The following PAH variants were observed in gnomAD, a reference collection of about 807,000 sequenced individuals.
PAH encodes phenylalanine hydroxylase.
Under a neutral mutation model 62.0 loss-of-function variants are expected in PAH, and 64 were observed. The observed-to-expected ratio is 1.03, with a 90% CI of 0.84 to 1.27. PAH has a LOEUF of 1.27. Ranked by LOEUF, PAH falls within the 50% of genes most tolerant of loss-of-function variation. The probability of loss-of-function intolerance (pLI) is 0.00; values close to 1 mark genes in which losing one functional copy is unlikely to be tolerated. For missense variants in PAH, 579 were observed against 542.8 expected, an observed-to-expected ratio of 1.07 and a Z score of -0.66; for synonymous variants, 195 against 196.2, an observed-to-expected ratio of 0.99 and a Z score of 0.05.
In PAH at chr12:102,857,443, C is replaced by A. The variant is rs181550159; in HGVS notation, c.510-2111G>T. The stretch of plus-strand genomic sequence containing the variant: ...AACTTCCCCAACCTAGCAAGGCAGG[C>A]CAACATTCAAATTCAGGAAATACAG... On this transcript the variant is annotated intron_variant, in intron 5 of 12. Coordinates refer to ENST00000553106, the MANE Select transcript of PAH (RefSeq NM_000277.3). Among the ~76,000 whole-genome samples, 17 of 152,250 alleles carry A rather than the reference C, an allele frequency of 1.1e-4. No homozygotes were observed. In the East Asian group the frequency reaches 3.1e-3, roughly 28 times the overall value.
At chr12:102,892,227 T>C (rs1038517171) in intron 3 of PAH, among the ~76,000 whole-genome samples, 1 of 152,174 alleles carries the variant, frequency 6.6e-6, no homozygotes, top group African/African-American at 2.4e-5. Context: ...GGAGCTACCT[T>C]TTAAAAAATG....
At chr12:102,918,202 C>T (rs1334543985), upstream of PAH, among the ~76,000 whole-genome samples, 2 of 152,122 alleles carry the variant, frequency 1.3e-5, no homozygotes, top group African/African-American at 2.4e-5. Flanking sequence ...ATGCCATTAA[C>T]CACACTTTTA....
chr12:102,882,690 C>A (rs866490774), intron 3 of PAH, among the ~76,000 whole-genome samples: 1 of 126,532 alleles, frequency 7.9e-6, no homozygotes, highest in Non-Finnish European at 1.7e-5. Flanking sequence ...TTTTTTTCTA[C>A]TGTATCCTTA....
chr12:102,948,936 G>T (rs184172091), intron 1 of PAH, among the ~76,000 whole-genome samples: 1 of 152,302 alleles, frequency 6.6e-6, no homozygotes, highest in East Asian at 1.9e-4. Flanking sequence ...GAACCAAATT[G>T]TATGGAGAAG....
intron 1 of PAH, among the ~76,000 whole-genome samples, chr12:102,930,823 A>G (rs1878840059): frequency 6.6e-6 from 1 of 152,200 alleles, no homozygotes; most frequent in South Asian, 2.1e-4. Flanking sequence ...GTGTGAAATC[A>G]ATGTATGAGA....
chr12:102,900,685 G>C (rs540995335), intron 2 of PAH, among the ~76,000 whole-genome samples: 1 of 152,098 alleles, frequency 6.6e-6, no homozygotes, highest in African/African-American at 2.4e-5. Context: ...TAATTTACTA[G>C]TATGGATCCT....
At chr12:102,882,817 T>A (rs1361472141) in intron 3 of PAH, among the ~76,000 whole-genome samples, 1 of 152,044 alleles carries the variant, frequency 6.6e-6, no homozygotes, top group Admixed American at 6.5e-5. Context: ...AGTTTCCTTA[T>A]TCACAAAATG....
rs756892613 is a variant in PAH, at chr12:102,912,917, T to C, written c.61-19A>G. On this transcript the variant is annotated intron_variant, in intron 1 of 12. Coordinates refer to ENST00000553106, the MANE Select transcript of PAH (RefSeq NM_000277.3). ...TTGTTTCCTACAGGATAAGATGCAT[T>C]TGTTTAAAACATTTTCCACAGTTTA... The C allele has an allele frequency of 1.7e-5, 26 of 1,528,596 alleles. No homozygotes were observed. Among genetic ancestry groups the C allele is most frequent in the Non-Finnish European group, 9.1e-6 (10 of 1,102,170 alleles). 94.7% of individuals were successfully genotyped at this position (1,528,596 alleles called of 1,614,324 possible).
intron 4 of PAH, among the ~76,000 whole-genome samples, chr12:102,873,078 C>T (rs1327865676): frequency 6.6e-6 from 1 of 152,210 alleles, no homozygotes; most frequent in Non-Finnish European, 1.5e-5. Context: ...TATTGTAGAT[C>T]TGTAGCCTAG....
At chr12:102,902,514 G>A (rs1877801483) in intron 2 of PAH, among the ~76,000 whole-genome samples, 1 of 152,224 alleles carries the variant, frequency 6.6e-6, no homozygotes, top group South Asian at 2.1e-4. Context: ...AGATACGGTA[G>A]TTGCAAAGGT....
rs1879956395 is a variant in PAH at position 102,957,544 on chromosome 12, G to GT, written c.-96+650dup. 1 of 140,614 alleles carries GT rather than the reference G, an allele frequency of 7.1e-6. No individual in the cohort carries two copies. The highest frequency in any genetic ancestry group is 2.5e-4 in the East Asian group (1 of 4,002). The allele number at this position is 140,614 out of a possible 1,614,324, so 8.7% of individuals were successfully genotyped here. On this transcript the variant is annotated intron_variant, in intron 1 of 4. Coordinates refer to the PAH transcript ENST00000551337. This position sits in a 1 kb window ranked among gnomAD's most constrained non-coding sequence, Gnocchi z 4.1. ...TTTAGGGAGTGGGTGGGAGGAAGAG[G>GT]TAAGAGGAGGGGGGGGAGTGGGGGC...
Position 102,851,700 on chromosome 12 carries a change from G to T in PAH, c.899C>A (p.Ala300Asp). 6.2e-7 allele frequency: 1 copy of T among 1,613,880 alleles called. No homozygotes were observed. Among genetic ancestry groups the T allele is most frequent in the South Asian group, 1.1e-5 (1 of 91,074 alleles). The change falls in exon 8 of 13, where the codon GCC (alanine) becomes GAC (aspartate). Residue 300 changes from alanine to aspartate, a missense_variant. Transcript: ENST00000553106. ...HVPLFSDRSF[A>D]QFSQEIGLAS... ...TCCATTCCTTACCTGGGAAAACTGG[G>T]CAAAGCTGCGATCTGAAAACAAGGG...
At chr12:102,870,026 G>A (rs1231083709) in intron 4 of PAH, among the ~76,000 whole-genome samples, 1 of 152,188 alleles carries the variant, frequency 6.6e-6, no homozygotes, top group Non-Finnish European at 1.5e-5. Context: ...TATTGTTGGT[G>A]AAGGAGTGGT....
chr12:102,879,024 G>A (rs911115503), intron 3 of PAH, among the ~76,000 whole-genome samples: 1 of 152,032 alleles, frequency 6.6e-6, no homozygotes, highest in African/African-American at 2.4e-5. Context: ...CTGAAATGAG[G>A]TCGAGGGGAA....
At chr12:102,935,081 G>GT (rs1879050496) in intron 1 of PAH, among the ~76,000 whole-genome samples, 1 of 151,988 alleles carries the variant, frequency 6.6e-6, no homozygotes, top group Non-Finnish European at 1.5e-5. Context: ...TCTATACCCA[G>GT]TTTTTTGAGA....
At chr12:102,918,278 G>C (rs1193298111), upstream of PAH, among the ~76,000 whole-genome samples, 1 of 152,142 alleles carries the variant, frequency 6.6e-6, no homozygotes. Context: ...ATGCTGGAAA[G>C]CAGGTTCAGA....
At chr12:102,869,438 T>C (rs1318228910) in intron 4 of PAH, among the ~76,000 whole-genome samples, 1 of 152,250 alleles carries the variant, frequency 6.6e-6, no homozygotes, top group East Asian at 1.9e-4. Flanking sequence ...AACAGTTGTA[T>C]TCTTGAAAAC....
chr12:102,840,370 G>A (rs757092979), intron 12 of PAH, 30 bp downstream of exon 12: 74 of 1,288,536 alleles, frequency 5.7e-5, no homozygotes, highest in Admixed American at 1.0e-4. Flanking sequence ...CTGAGAAACC[G>A]AGTGGCCTCG....
At chr12:102,857,689 G>A (rs918122489) in intron 5 of PAH, among the ~76,000 whole-genome samples, 2 of 152,128 alleles carry the variant, frequency 1.3e-5, no homozygotes, top group African/African-American at 2.4e-5. Context: ...TAAAGAAAAG[G>A]AATTTCAACT....
Sources: allele counts gnomAD v4.1 joint callset (sites outside exome capture counted in the v4.1 genomes callset), GRCh38; gene constraint gnomAD v4.1.1; non-coding constraint Gnocchi (gnomAD v3.1); transcripts MANE v1.5; gene names NCBI Gene and HGNC (gene_info 2026-07-23, HGNC 2026-07-21).